AOPEP: variants seen among roughly 807,000 people sequenced by gnomAD.
The protein encoded by AOPEP is aminopeptidase O (putative), also known as aminopeptidase O.
Under a neutral mutation model 98.1 loss-of-function variants are expected in AOPEP, and 77 were observed. The ratio of observed to expected loss-of-function variants is 0.78; its 90% confidence interval spans 0.65 to 0.95. The LOEUF (loss-of-function observed/expected upper bound fraction) is 0.95, where lower values mean the gene tolerates loss of function less well. Ranked by LOEUF, AOPEP falls within the 40% of genes least tolerant of loss-of-function variation. The probability of loss-of-function intolerance (pLI) is 0.00; values close to 1 mark genes in which losing one functional copy is unlikely to be tolerated. For synonymous variants in AOPEP, 346 were observed against 365.3 expected, an observed-to-expected ratio of 0.95 and a Z score of 0.60; for missense variants, 1,024 against 1,024.7, an observed-to-expected ratio of 1.00 and a Z score of 0.01.
chr9:94,728,214 T>A lies in AOPEP; in HGVS notation c.-136+1463T>A, dbSNP rs142179316. Among the ~76,000 whole-genome samples the A allele has an allele frequency of 5.8e-4, 83 of 144,186 alleles. No homozygotes were observed. In the South Asian group the frequency reaches 0.016, roughly 27 times the overall value. The allele number at this position is 144,186 out of a possible 152,430, so 94.6% of individuals were successfully genotyped here. A position where few individuals can be genotyped will look rare whatever the true frequency, so the allele number is the denominator to read the frequency against. ...GTTAAAACACCTGGAAAGCTTAATT[T>A]GTGATCCTTCCTGCGTGCGCGCATG... On this transcript the variant is annotated intron_variant, in intron 1 of 16. Coordinates refer to ENST00000375315, the MANE Select transcript of AOPEP (RefSeq NM_001193329.3).
chr9:94,737,938 C>T (rs1273145735), intron 1 of AOPEP, among the ~76,000 whole-genome samples: 1 of 152,088 alleles, frequency 6.6e-6, no homozygotes, highest in Non-Finnish European at 1.5e-5. Flanking sequence ...GGGGTTCGGG[C>T]AGTAGAGTGT....
At chr9:95,005,742 T>C in intron 13 of AOPEP, 126 bp downstream of exon 13, 1 of 719,370 alleles carries the variant, frequency 1.4e-6, no homozygotes, top group African/African-American at 1.8e-5. Context: ...AACCATAGAT[T>C]TAATATATGG....
chr9:94,817,631 G>A (rs535415654), intron 5 of AOPEP, among the ~76,000 whole-genome samples: 2 of 152,332 alleles, frequency 1.3e-5, no homozygotes, highest in Admixed American at 6.5e-5. Flanking sequence ...AAAGCAGCAA[G>A]CATGCCAATA....
chr9:94,928,703 C>T (rs1270878033), intron 7 of AOPEP, 172 bp downstream of exon 7: 10 of 534,508 alleles, frequency 1.9e-5, no homozygotes, highest in African/African-American at 3.9e-5. Context: ...GCATGCGTTT[C>T]GATTTGCCTT....
intron 11 of AOPEP, among the ~76,000 whole-genome samples, chr9:94,979,671 CT>C (rs1202649779): frequency 6.6e-6 from 1 of 152,204 alleles, no homozygotes; most frequent in Non-Finnish European, 1.5e-5. Flanking sequence ...CCTGAACTCC[CT>C]GCTAAATGAG....
intron 5 of AOPEP, among the ~76,000 whole-genome samples, chr9:94,820,427 T>C (rs1327693936): frequency 6.6e-6 from 1 of 152,232 alleles, no homozygotes; most frequent in African/African-American, 2.4e-5. Flanking sequence ...ACACACACCC[T>C]ATTTTACACT....
At chr9:94,975,236 C>CTAA (rs151054028) in intron 10 of AOPEP, among the ~76,000 whole-genome samples, 1,573 of 151,262 alleles carry the variant, frequency 0.01, 14 homozygotes, top group Non-Finnish European at 0.016. Context: ...GACTCTGTCT[C>CTAA]TAATAATAAT....
At chr9:95,105,826 A>C in the AOPEP span, among the ~76,000 whole-genome samples, 1 of 152,220 alleles carries the variant, frequency 6.6e-6, no homozygotes, top group Non-Finnish European at 1.5e-5. Context: ...CTTCAGGCTG[A>C]ACAGTACTCT....
intron 7 of AOPEP, among the ~76,000 whole-genome samples, chr9:94,941,711 G>T (rs976977349): frequency 6.6e-6 from 1 of 152,086 alleles, no homozygotes; most frequent in Non-Finnish European, 1.5e-5. Flanking sequence ...ACCATTTCCT[G>T]GTTAGTCAGC....
the AOPEP span, chr9:95,111,208 G>A: frequency 1.0e-5 from 16 of 1,536,300 alleles, no homozygotes; most frequent in East Asian, 3.9e-4. Flanking sequence ...AAATGACCTT[G>A]GGGAAGAAGG....
At chr9:94,932,903 A>T (rs1442090682) in intron 7 of AOPEP, 2 of 985,188 alleles carry the variant, frequency 2.0e-6, no homozygotes, top group Non-Finnish European at 2.4e-6. Flanking sequence ...CTCAGCCTTC[A>T]TTGGCTGGAG....
intron 14 of AOPEP, among the ~76,000 whole-genome samples, chr9:95,075,737 A>T (rs2068977847): frequency 6.6e-6 from 1 of 152,152 alleles, no homozygotes; most frequent in South Asian, 2.1e-4. Flanking sequence ...TTAAAAAAAA[A>T]TTAGCTGGGT....
At chr9:95,102,823 A>T in the AOPEP span, among the ~76,000 whole-genome samples, 1 of 152,208 alleles carries the variant, frequency 6.6e-6, no homozygotes, top group Non-Finnish European at 1.5e-5. Context: ...GGGGACGCAG[A>T]GCTAAGAGTA....
the AOPEP span, among the ~76,000 whole-genome samples, chr9:95,118,878 T>C: frequency 4.6e-5 from 7 of 152,232 alleles, no homozygotes; most frequent in Non-Finnish European, 8.8e-5. Flanking sequence ...GTAGTTAACA[T>C]GCATACATAT....
At chr9:94,839,808 G>T (rs755191024) in intron 5 of AOPEP, among the ~76,000 whole-genome samples, 1 of 151,558 alleles carries the variant, frequency 6.6e-6, no homozygotes, top group East Asian at 1.9e-4. Context: ...TCACTCTGTC[G>T]CTCAGGCTGG....
intron 10 of AOPEP, among the ~76,000 whole-genome samples, chr9:94,977,360 C>T (rs1265436832): frequency 6.6e-6 from 1 of 152,104 alleles, no homozygotes; most frequent in African/African-American, 2.4e-5. Flanking sequence ...GAGGCTTCTG[C>T]AGTACTCTAT....
At chr9:95,009,561 T>C (rs2062327975) in intron 13 of AOPEP, among the ~76,000 whole-genome samples, 1 of 152,174 alleles carries the variant, frequency 6.6e-6, no homozygotes, top group Admixed American at 6.5e-5. Flanking sequence ...TTGGCTCACT[T>C]TCAAATCATT....
chr9:95,071,807 C>T (rs896434880), intron 14 of AOPEP, among the ~76,000 whole-genome samples: 25 of 152,152 alleles, frequency 1.6e-4, no homozygotes, highest in Admixed American at 7.2e-4. Context: ...CAGACTCTGT[C>T]TCCAGTATTG....
the AOPEP span, chr9:95,114,591 G>T: frequency 6.4e-7 from 1 of 1,555,812 alleles, no homozygotes; most frequent in Non-Finnish European, 8.9e-7. Context: ...GGGAAACCAT[G>T]TGTGAAGTAG....
Sources: allele counts gnomAD v4.1 joint callset (sites outside exome capture counted in the v4.1 genomes callset), GRCh38; gene constraint gnomAD v4.1.1; transcripts MANE v1.5; gene names NCBI Gene and HGNC (gene_info 2026-07-23, HGNC 2026-07-21).